SH2D4B: variants seen among roughly 807,000 people sequenced by gnomAD.
The protein encoded by SH2D4B is SH2 domain-containing protein 4B.
Under a neutral mutation model 61.5 loss-of-function variants are expected in SH2D4B, and 45 were observed. The observed-to-expected ratio is 0.73, with a 90% CI of 0.58 to 0.94. SH2D4B has a LOEUF of 0.94. Ranked by LOEUF, SH2D4B falls within the 40% of genes least tolerant of loss-of-function variation. The pLI is 0.00. For synonymous variants in SH2D4B, 224 were observed against 220.4 expected, an observed-to-expected ratio of 1.02 and a Z score of -0.14; for missense variants, 572 against 574.2, an observed-to-expected ratio of 1.00 and a Z score of 0.04.
At chr10:80,638,214 C>T (rs1435535471) in intron 7 of SH2D4B, among the ~76,000 whole-genome samples, 1 of 152,138 alleles carries the variant, frequency 6.6e-6, no homozygotes, top group Admixed American at 6.5e-5. Context: ...ATTTTCCCAT[C>T]GATGTTCATC....
chr10:80,598,111 T>G (rs1842406519), intron 4 of SH2D4B, among the ~76,000 whole-genome samples: 1 of 152,342 alleles, frequency 6.6e-6, no homozygotes, highest in Admixed American at 6.5e-5. Context: ...CTGTGCTAGC[T>G]CTGCCCACTT....
chr10:80,612,438 T>C (rs1842613941), intron 6 of SH2D4B, among the ~76,000 whole-genome samples: 1 of 152,134 alleles, frequency 6.6e-6, no homozygotes, highest in African/African-American at 2.4e-5. Context: ...ACCATGGATC[T>C]ATTACACTCT....
intron 6 of SH2D4B, among the ~76,000 whole-genome samples, chr10:80,612,405 C>T (rs553264761): frequency 2.3e-4 from 35 of 152,072 alleles, no homozygotes; most frequent in African/African-American, 8.4e-4. Flanking sequence ...CTTGGTTGGG[C>T]GTCTCAGCTG....
At chr10:80,583,998 T>G (rs184432223) in intron 3 of SH2D4B, among the ~76,000 whole-genome samples, 1 of 152,202 alleles carries the variant, frequency 6.6e-6, no homozygotes, top group Non-Finnish European at 1.5e-5. Flanking sequence ...TGCAGAAGAA[T>G]GAGAATCAGA....
intron 1 of SH2D4B, among the ~76,000 whole-genome samples, chr10:80,566,217 A>G (rs1841966899): frequency 6.6e-6 from 1 of 151,600 alleles, no homozygotes; most frequent in African/African-American, 2.4e-5. Flanking sequence ...CTTCTTTGTC[A>G]GAAATGGGGA....
intron 7 of SH2D4B, among the ~76,000 whole-genome samples, chr10:80,640,408 G>A (rs923749986): frequency 1.3e-5 from 2 of 152,086 alleles, no homozygotes; most frequent in African/African-American, 4.8e-5. Context: ...CATTCTCCTC[G>A]TCACTTTCAG....
At chr10:80,623,726 T>C (rs1218997596) in intron 6 of SH2D4B, among the ~76,000 whole-genome samples, 5 of 152,168 alleles carry the variant, frequency 3.3e-5, no homozygotes, top group African/African-American at 1.2e-4. Context: ...ACATGAATCG[T>C]GAGGTGCTTT....
chr10:80,554,977 C>A (rs1367041955), intron 1 of SH2D4B, among the ~76,000 whole-genome samples: 1 of 140,970 alleles, frequency 7.1e-6, no homozygotes, highest in Non-Finnish European at 1.5e-5. Flanking sequence ...CCACTGCACT[C>A]CAGCCTGGGC....
At position 80,538,547 on chromosome 10, in the gene SH2D4B, C is replaced by T; in HGVS notation, c.184+32C>T. 7.5e-7 allele frequency: 1 copy of T among 1,332,242 alleles called. No homozygotes were observed. Among genetic ancestry groups the T allele is most frequent in the Non-Finnish European group, 9.7e-7 (1 of 1,032,574 alleles). 82.5% of individuals were successfully genotyped at this position (1,332,242 alleles called of 1,614,324 possible). Reference sequence around the variant, plus strand: ...GGCTGGGAGTCACAGAGAGGTAGGCCACCAGTCCCCCAGGAGGTAGAAAAA... The same window carrying T: ...GGCTGGGAGTCACAGAGAGGTAGGCTACCAGTCCCCCAGGAGGTAGAAAAA... On this transcript the variant is annotated intron_variant, in intron 1 of 7. Coordinates refer to ENST00000646907, the MANE Select transcript of SH2D4B (RefSeq NM_001388272.1). The surrounding 1 kb of genome is among the most constrained non-coding windows in gnomAD (Gnocchi z 4.8).
intron 4 of SH2D4B, 93 bp downstream of exon 4, chr10:80,588,870 C>G: frequency 6.8e-7 from 1 of 1,463,130 alleles, no homozygotes. Flanking sequence ...CATTTCCATT[C>G]GCTCACTCAC....
chr10:80,593,178 T>G (rs1842351298), intron 4 of SH2D4B, among the ~76,000 whole-genome samples: 1 of 152,264 alleles, frequency 6.6e-6, no homozygotes. Flanking sequence ...TTGGTTATTC[T>G]GAGTCCTTTG....
At chr10:80,555,128 A>G (rs1841814189) in intron 1 of SH2D4B, among the ~76,000 whole-genome samples, 1 of 152,078 alleles carries the variant, frequency 6.6e-6, no homozygotes, top group South Asian at 2.1e-4. Flanking sequence ...AATTCCACTC[A>G]TATGTAGCAA....
intron 4 of SH2D4B, among the ~76,000 whole-genome samples, chr10:80,589,410 G>A (rs1362751005): frequency 6.6e-6 from 1 of 152,178 alleles, no homozygotes; most frequent in Non-Finnish European, 1.5e-5. Flanking sequence ...GTGGTGGCAT[G>A]TGCCTGTAGT....
At chr10:80,574,692 C>T (rs183892530) in intron 3 of SH2D4B, among the ~76,000 whole-genome samples, 61 of 151,066 alleles carry the variant, frequency 4.0e-4, no homozygotes, top group African/African-American at 1.4e-3. Context: ...TTTTTATTAT[C>T]AATTAATTAA....
At chr10:80,556,479 A>G (rs1564767569) in intron 1 of SH2D4B, among the ~76,000 whole-genome samples, 1 of 152,202 alleles carries the variant, frequency 6.6e-6, no homozygotes, top group East Asian at 1.9e-4. Context: ...TTCTGTAAAA[A>G]GCTTTCTGGG....
intron 6 of SH2D4B, among the ~76,000 whole-genome samples, chr10:80,632,233 G>A (rs1388672081): frequency 6.6e-6 from 1 of 152,028 alleles, no homozygotes; most frequent in Non-Finnish European, 1.5e-5. Context: ...TGAGATTACA[G>A]GTCTGAGCTA....
intron 7 of SH2D4B, 32 bp downstream of exon 7, chr10:80,634,537 G>T (rs201512553): frequency 6.6e-7 from 1 of 1,509,324 alleles, no homozygotes; most frequent in Non-Finnish European, 8.8e-7. Context: ...ATGGGGGGGA[G>T]GGGGAACTGG....
At position 80,539,948 on chromosome 10, in the gene SH2D4B, G is replaced by C. The variant is rs539901454; in HGVS notation, c.184+1433G>C. On this transcript the variant is annotated intron_variant, in intron 1 of 7. Transcript: ENST00000646907. This position sits in a 1 kb window ranked among gnomAD's most constrained non-coding sequence, Gnocchi z 4.9. The stretch of plus-strand genomic sequence containing the variant: ...TGCGCTGGCAGCTGCATCACTAACT[G>C]GTGAAATGACAAGCCACCTTGCCAG... 8.5e-5 allele frequency among the ~76,000 whole-genome samples: 13 copies of C among 152,248 alleles called. No homozygotes were observed. The highest frequency in any genetic ancestry group is 3.1e-4 in the African/African-American group (13 of 41,550).
At chr10:80,568,084 G>T (rs938748023) in intron 1 of SH2D4B, among the ~76,000 whole-genome samples, 1 of 151,622 alleles carries the variant, frequency 6.6e-6, no homozygotes, top group Admixed American at 6.6e-5. Context: ...AAGTGTGAGA[G>T]ATCACACTTT....
Sources: allele counts gnomAD v4.1 joint callset (sites outside exome capture counted in the v4.1 genomes callset), GRCh38; gene constraint gnomAD v4.1.1; non-coding constraint Gnocchi (gnomAD v3.1); transcripts MANE v1.5; gene names NCBI Gene and HGNC (gene_info 2026-07-23, HGNC 2026-07-21).